SUN2: variants seen among roughly 807,000 people sequenced by gnomAD.
SUN2 encodes the protein SUN domain-containing protein 2.
A neutral mutation model predicts 100.0 loss-of-function variants in SUN2; 60 were observed. The ratio of observed to expected loss-of-function variants is 0.60; its 90% confidence interval spans 0.49 to 0.74. The LOEUF (loss-of-function observed/expected upper bound fraction) is 0.74. Ranked by LOEUF, SUN2 falls within the 30% of genes least tolerant of loss-of-function variation. SUN2 has a pLI of 0.00. For synonymous variants in SUN2, 367 were observed against 403.3 expected, an observed-to-expected ratio of 0.91 and a Z score of 1.08; for missense variants, 834 against 954.6, an observed-to-expected ratio of 0.87 and a Z score of 1.66.
Position 38,739,493 on chromosome 22 carries a change from C to T in SUN2, c.1579-67G>A, listed in dbSNP as rs1361997172. ...ACGTGTCCCCCTGTCACCTCGTGGC[C>T]GTGGGCCAAGGACCCATGGGCTGAC... On this transcript the variant is annotated intron_variant, in intron 13 of 17. Transcript: ENST00000689035. This position sits in a 1 kb window ranked among gnomAD's most constrained non-coding sequence, Gnocchi z 6.7. The T allele has an allele frequency of 1.7e-5, 27 of 1,573,620 alleles. No individual in the cohort carries two copies. Among genetic ancestry groups the T allele is most frequent in the Middle Eastern group, 1.9e-4 (1 of 5,200 alleles).
intron 2 of SUN2, 101 bp downstream of exon 2, chr22:38,752,406 G>A: frequency 6.9e-7 from 1 of 1,443,956 alleles, no homozygotes; most frequent in Middle Eastern, 2.4e-4. Context: ...ACCCAAGGTT[G>A]CAACAAGAAG....
chr22:38,741,076 A>T, intron 10 of SUN2, 26 bp from the exon 11 acceptor site: 1 of 1,585,188 alleles, frequency 6.3e-7, no homozygotes, highest in Non-Finnish European at 8.6e-7. Flanking sequence ...GGACAAATAC[A>T]AGAAATACTC....
In SUN2 at chr22:38,737,642, C is replaced by A; in HGVS notation, c.2040+531G>T. On this transcript the variant is annotated intron_variant, in intron 17 of 17. Coordinates refer to ENST00000689035, the MANE Select transcript of SUN2 (RefSeq NM_015374.3). This position sits in a 1 kb window ranked among gnomAD's most constrained non-coding sequence, Gnocchi z 4.1. ...ATCCCGCCAACCCAATTCCTCACTC[C>A]AGGACTCCCCCGGTGTGGGGCTTAG... The A allele has an allele frequency of 2.9e-6, 1 of 341,148 alleles. No individual in the cohort carries two copies. The highest frequency in any genetic ancestry group is 5.8e-6 in the Non-Finnish European group (1 of 172,974). 21.1% of individuals were successfully genotyped at this position (341,148 alleles called of 1,614,324 possible). A position where few individuals can be genotyped will look rare whatever the true frequency, so the allele number is the denominator to read the frequency against.
intron 7 of SUN2, 155 bp downstream of exon 7, chr22:38,748,558 G>T: frequency 2.5e-6 from 2 of 800,844 alleles, no homozygotes; most frequent in Non-Finnish European, 4.2e-6. Context: ...GAGGTGGGGA[G>T]GGCCATGCAG....
rs753287130 is a variant in SUN2 at position 38,736,196 on chromosome 22, C to T, written c.*71G>A. ...CCTAGAAGTCAGAGCGCCGAGCAAG[C>T]GTGTGGGGGAAGCGGCGGGGTGCTG... On this transcript the variant is annotated 3_prime_UTR_variant, in exon 18 of 18. Transcript: ENST00000689035. 5.7e-6 allele frequency: 8 copies of T among 1,414,396 alleles called. No homozygotes were observed. Among genetic ancestry groups the T allele is most frequent in the Admixed American group, 5.2e-5 (3 of 58,222 alleles). 87.6% of individuals were successfully genotyped at this position (1,414,396 alleles called of 1,614,324 possible).
At chr22:38,750,347 GTC>G in intron 4 of SUN2, 27 bp from the exon 5 acceptor site, 1 of 1,613,220 alleles carries the variant, frequency 6.2e-7, no homozygotes, top group Non-Finnish European at 8.5e-7. Context: ...CACTGGCTCA[GTC>G]TCTGTCACTT....
chr22:38,750,229 C>A lies in SUN2; in HGVS notation c.516G>T (p.Ser172=). The change falls in exon 5 of 18, where the codon TCG becomes TCT. Residue 172 remains serine, a synonymous_variant. Transcript: ENST00000689035. The part of the protein sequence containing the change: ...AGSLLWMVAT[S]PGRLFRLLYW... ...TGGGCACGGGTTGCAGCCCACCTGGCGAAGTGGCCACCATCCAGAGTAAGG... is the reference window on the plus strand; with the variant it reads ...TGGGCACGGGTTGCAGCCCACCTGGAGAAGTGGCCACCATCCAGAGTAAGG... The A allele has an allele frequency of 6.2e-7, 1 of 1,610,102 alleles. No individual in the cohort carries two copies. The highest frequency in any genetic ancestry group is 8.5e-7 in the Non-Finnish European group (1 of 1,176,884).
chr22:38,750,871 G>A (rs1302358711), intron 4 of SUN2, 27 bp downstream of exon 4: 1 of 1,613,548 alleles, frequency 6.2e-7, no homozygotes, highest in Non-Finnish European at 8.5e-7. Context: ...CCTCGGATCT[G>A]CTCAGGAGGG....
chr22:38,739,467 GACGTGTCCCCCTGTC>G lies in SUN2; in HGVS notation c.1579-56_1579-42del, dbSNP rs1569295716. ...CAGGAGACGGTTGCAGCAGGGAGCA[GACGTGTCCCCCTGTC>G]ACCTCGTGGCCGTGGGCCAAGGACC... On this transcript the variant is annotated intron_variant, in intron 13 of 17. Transcript: ENST00000689035. This position sits in a 1 kb window ranked among gnomAD's most constrained non-coding sequence, Gnocchi z 6.7. The G allele has an allele frequency of 2.5e-6, 4 of 1,604,418 alleles. No individual in the cohort carries two copies. The East Asian group carries it at 8.9e-5, about 36-fold the overall frequency.
In SUN2 at chr22:38,740,212, G is replaced by A. The variant is rs547076681; in HGVS notation, c.1356+55C>T. The A allele has an allele frequency of 1.8e-5, 26 of 1,479,294 alleles. No homozygotes were observed. The highest frequency in any genetic ancestry group is 6.9e-5 in the South Asian group (5 of 72,946). The allele number at this position is 1,479,294 out of a possible 1,614,324, so 91.6% of individuals were successfully genotyped here. A position where few individuals can be genotyped will look rare whatever the true frequency, so the allele number is the denominator to read the frequency against. The stretch of plus-strand genomic sequence containing the variant: ...TGCTGCTTTGCAGGCCCCAGGACAC[G>A]TCGTCTCAAAGGAGGAGGAGAGGGA... On this transcript the variant is annotated intron_variant, in intron 12 of 17. Transcript: ENST00000689035. The surrounding 1 kb of genome is among the most constrained non-coding windows in gnomAD (Gnocchi z 4.8).
chr22:38,739,667 C>T lies in SUN2; in HGVS notation c.1578+55G>A. The T allele has an allele frequency of 1.3e-6, 2 of 1,582,888 alleles. No homozygotes were observed. The highest frequency in any genetic ancestry group is 1.3e-5 in the African/African-American group (1 of 74,572). On this transcript the variant is annotated intron_variant, in intron 13 of 17. Coordinates refer to ENST00000689035, the MANE Select transcript of SUN2 (RefSeq NM_015374.3). This position sits in a 1 kb window ranked among gnomAD's most constrained non-coding sequence, Gnocchi z 6.7. ...GCTGGCAGTGTGGGACTGTCCAGGG[C>T]TCCCAGGGAGGAGAGCTGTGGGTGG...
intron 8 of SUN2, 83 bp from the exon 9 acceptor site, chr22:38,742,638 CAGAA>C (rs745465749): frequency 5.1e-5 from 76 of 1,489,662 alleles, no homozygotes; most frequent in Non-Finnish European, 6.6e-5. Context: ...ACAGCCAACA[CAGAA>C]AGAAAGGGAA....
rs1350897978 is a variant in SUN2 at position 38,736,319 on chromosome 22, G to C, written c.2102C>G (p.Pro701Arg). The C allele has an allele frequency of 6.2e-7, 1 of 1,614,058 alleles. No individual in the cohort carries two copies. Among genetic ancestry groups the C allele is most frequent in the Admixed American group, 1.7e-5 (1 of 60,006 alleles). The change falls in exon 18 of 18, where the codon CCC becomes CGC. Residue 701 changes from proline to arginine, a missense_variant. Physicochemically the swap from Pro to Arg is moderately radical, Grantham distance 103 (BLOSUM62 -2). This residue lies in a region of SUN2 where 80 missense variants were observed against 76.7 expected (regional missense o/e 1.04). Coordinates refer to ENST00000689035, the MANE Select transcript of SUN2 (RefSeq NM_015374.3). ...GAAGCGGTAGATGCAGGTGTACTCG[G>C]GGTGGCCCCAGTTAGTCAGGATCCG... is the stretch of plus-strand genomic sequence containing the variant. ...ELRILTNWGH[P>R]EYTCIYRFRV... is the part of the protein sequence containing the mutation.
chr22:38,748,082 G>C (rs991964939), intron 7 of SUN2, among the ~76,000 whole-genome samples: 1 of 152,186 alleles, frequency 6.6e-6, no homozygotes, highest in African/African-American at 2.4e-5. Context: ...TTGGGAGGCC[G>C]AGGCAGCTGG....
At position 38,749,951 on chromosome 22, in the gene SUN2, AC is replaced by A. The variant is rs976662035; in HGVS notation, c.521-93del. 2.4e-5 allele frequency: 18 copies of A among 752,302 alleles called. No individual in the cohort carries two copies. The African/African-American group carries it at 4.7e-4, about 20-fold the overall frequency. 46.6% of individuals were successfully genotyped at this position (752,302 alleles called of 1,614,324 possible). A position where few individuals can be genotyped will look rare whatever the true frequency, so the allele number is the denominator to read the frequency against. On this transcript the variant is annotated intron_variant, in intron 5 of 17. Coordinates refer to ENST00000689035, the MANE Select transcript of SUN2 (RefSeq NM_015374.3). ...CTGCCGTCCTCCCTGCCCCTACCCC[AC>A]CCCCACCTGCCAGTATGCCTCTGTC...
intron 4 of SUN2, among the ~76,000 whole-genome samples, chr22:38,750,686 G>T (rs545553038): frequency 9.2e-5 from 14 of 152,366 alleles, no homozygotes; most frequent in African/African-American, 3.4e-4. Flanking sequence ...GACTCGTGGG[G>T]TGGGGAGGAC....
intron 10 of SUN2, 29 bp from the exon 11 acceptor site, chr22:38,741,079 A>G (rs935019340): frequency 6.3e-7 from 1 of 1,582,720 alleles, no homozygotes; most frequent in African/African-American, 1.3e-5. Flanking sequence ...CAAATACAAG[A>G]AATACTCATC....
chr22:38,740,211 C>G lies in SUN2; in HGVS notation c.1356+56G>C. 6.8e-7 allele frequency: 1 copy of G among 1,476,688 alleles called. No homozygotes were observed. Among genetic ancestry groups the G allele is most frequent in the Non-Finnish European group, 9.0e-7 (1 of 1,110,424 alleles). The allele number at this position is 1,476,688 out of a possible 1,614,324, so 91.5% of individuals were successfully genotyped here. A position where few individuals can be genotyped will look rare whatever the true frequency, so the allele number is the denominator to read the frequency against. ...GTGCTGCTTTGCAGGCCCCAGGACA[C>G]GTCGTCTCAAAGGAGGAGGAGAGGG... is the stretch of plus-strand genomic sequence containing the variant. On this transcript the variant is annotated intron_variant, in intron 12 of 17. Transcript: ENST00000689035. This position sits in a 1 kb window ranked among gnomAD's most constrained non-coding sequence, Gnocchi z 4.8.
At chr22:38,748,576 C>G in intron 7 of SUN2, 137 bp downstream of exon 7, 2 of 966,302 alleles carry the variant, frequency 2.1e-6, no homozygotes, top group South Asian at 2.9e-5. Context: ...CAGAGATGAT[C>G]CAGGGTCCAG....
Sources: allele counts gnomAD v4.1 joint callset (sites outside exome capture counted in the v4.1 genomes callset), GRCh38; gene constraint gnomAD v4.1.1; regional missense constraint gnomAD v4.1.1; non-coding constraint Gnocchi (gnomAD v3.1); transcripts MANE v1.5; gene names NCBI Gene and HGNC (gene_info 2026-07-23, HGNC 2026-07-21).